SCAPER: variants seen among roughly 807,000 people sequenced by gnomAD.
SCAPER encodes the protein S phase cyclin A-associated protein in the endoplasmic reticulum.
A neutral mutation model predicts 182.2 loss-of-function variants in SCAPER; 98 were observed. The ratio of observed to expected loss-of-function variants is 0.54; its 90% CI spans 0.46 to 0.64. The LOEUF is 0.64. Among genes scored for constraint, SCAPER ranks in the 30% least tolerant of loss-of-function variants. The pLI is 0.00. For missense variants in SCAPER, 1,432 were observed against 1,690.0 expected (o/e 0.85, Z 2.68); for synonymous variants, 605 against 564.6 (o/e 1.07, Z -1.01).
chr15:76,730,175 A>G (rs530844850), intron 16 of SCAPER, among the ~76,000 whole-genome samples: 1 of 152,268 alleles, frequency 6.6e-6, no homozygotes, highest in African/African-American at 2.4e-5. Context: ...AGATTTGAAC[A>G]TTTCTAATAG....
intron 22 of SCAPER, among the ~76,000 whole-genome samples, chr15:76,617,692 G>C (rs1332363042): frequency 6.6e-6 from 1 of 152,262 alleles, no homozygotes; most frequent in East Asian, 1.9e-4. Context: ...GTGAGGGCGA[G>C]AACAGAAACC....
intron 17 of SCAPER, 68 bp from the exon 18 acceptor site, chr15:76,706,052 T>C: frequency 6.4e-6 from 8 of 1,254,668 alleles, no homozygotes; most frequent in Non-Finnish European, 8.8e-6. Flanking sequence ...GACTCAAAAA[T>C]ACAATTAGGA....
chr15:76,515,258 A>C (rs954613667), intron 23 of SCAPER, among the ~76,000 whole-genome samples: 45 of 152,330 alleles, frequency 3.0e-4, no homozygotes, highest in African/African-American at 1.0e-3. Flanking sequence ...ATTTGGACTA[A>C]GGAAGGAAAG....
intron 4 of SCAPER, among the ~76,000 whole-genome samples, chr15:76,848,661 T>A (rs2070394860): frequency 6.6e-6 from 1 of 152,188 alleles, no homozygotes; most frequent in Non-Finnish European, 1.5e-5. Flanking sequence ...CCTTCTGAGA[T>A]AATCGTTTAT....
chr15:76,688,253 G>A (rs2058143974), intron 20 of SCAPER, among the ~76,000 whole-genome samples: 1 of 152,182 alleles, frequency 6.6e-6, no homozygotes, highest in East Asian at 1.9e-4. Context: ...AGAAGTGTCT[G>A]TTCATATCCT....
intron 30 of SCAPER, among the ~76,000 whole-genome samples, chr15:76,352,384 C>T (rs1349936794): frequency 6.6e-6 from 1 of 151,940 alleles, no homozygotes; most frequent in Non-Finnish European, 1.5e-5. Flanking sequence ...CAGTGCCCAG[C>T]ACACCTTACA....
intron 22 of SCAPER, among the ~76,000 whole-genome samples, chr15:76,583,161 G>A (rs1210312954): frequency 2.0e-5 from 3 of 151,958 alleles, no homozygotes; most frequent in Admixed American, 6.6e-5. Flanking sequence ...GACCAGCCTG[G>A]CCAACATAGT....
At chr15:76,782,824 T>C (rs2064257964) in intron 8 of SCAPER, among the ~76,000 whole-genome samples, 2 of 152,102 alleles carry the variant, frequency 1.3e-5, no homozygotes, top group African/African-American at 4.8e-5. Context: ...AGATGTTCTT[T>C]GAAACCAAGC....
intron 18 of SCAPER, 30 bp from the exon 19 acceptor site, chr15:76,703,032 C>T (rs1227286171): frequency 1.3e-6 from 2 of 1,506,670 alleles, no homozygotes; most frequent in Non-Finnish European, 1.8e-6. Context: ...GCAAGAATTT[C>T]AAAAATTATT....
At chr15:76,659,700 G>T (rs1207943357) in intron 21 of SCAPER, among the ~76,000 whole-genome samples, 1 of 152,164 alleles carries the variant, frequency 6.6e-6, no homozygotes, top group African/African-American at 2.4e-5. Context: ...AGTCAGAATG[G>T]TTATTATTTA....
chr15:76,871,434 A>C (rs1432564430), intron 2 of SCAPER, among the ~76,000 whole-genome samples: 2 of 151,636 alleles, frequency 1.3e-5, no homozygotes, highest in Non-Finnish European at 2.9e-5. Context: ...AACCTAATAA[A>C]AAATGAAGAT....
chr15:76,801,081 T>G (rs994441090), intron 6 of SCAPER, among the ~76,000 whole-genome samples: 1 of 152,234 alleles, frequency 6.6e-6, no homozygotes, highest in Admixed American at 6.5e-5. Flanking sequence ...AGTATTTCAT[T>G]GTCTTTGTTT....
chr15:76,819,524 T>C (rs1201918746), intron 5 of SCAPER, among the ~76,000 whole-genome samples: 1 of 152,066 alleles, frequency 6.6e-6, no homozygotes, highest in Non-Finnish European at 1.5e-5. Flanking sequence ...CAGCTGAGGG[T>C]CCTGAATGTT....
At chr15:76,794,788 T>C (rs1312458610) in intron 8 of SCAPER, among the ~76,000 whole-genome samples, 3 of 152,194 alleles carry the variant, frequency 2.0e-5, no homozygotes, top group Non-Finnish European at 2.9e-5. Context: ...ATAAAATTGT[T>C]CTAGGTGGGC....
At chr15:76,687,414 G>A (rs769181066) in intron 20 of SCAPER, among the ~76,000 whole-genome samples, 16 of 152,102 alleles carry the variant, frequency 1.1e-4, no homozygotes, top group Non-Finnish European at 1.9e-4. Context: ...AAAAATCAAA[G>A]AATAGTCCTC....
intron 23 of SCAPER, among the ~76,000 whole-genome samples, chr15:76,511,787 A>G (rs1003758828): frequency 4.0e-5 from 6 of 151,022 alleles, no homozygotes; most frequent in African/African-American, 1.5e-4. Flanking sequence ...ATTGCTCACA[A>G]TGTTTGCTGA....
At chr15:76,535,448 G>C (rs762186280) in intron 23 of SCAPER, among the ~76,000 whole-genome samples, 3 of 148,920 alleles carry the variant, frequency 2.0e-5, no homozygotes, top group Non-Finnish European at 4.4e-5. Flanking sequence ...TGTGAACCCA[G>C]GAGGCGGAGG....
intron 23 of SCAPER, among the ~76,000 whole-genome samples, chr15:76,528,698 C>T (rs2043394149): frequency 6.6e-6 from 1 of 152,220 alleles, no homozygotes; most frequent in South Asian, 2.1e-4. Context: ...GGTTTGCCTT[C>T]CTCCAATCTA....
chr15:76,837,186 A>C (rs1368581076), intron 5 of SCAPER, among the ~76,000 whole-genome samples: 1 of 152,216 alleles, frequency 6.6e-6, no homozygotes, highest in Non-Finnish European at 1.5e-5. Context: ...AATTTAAATC[A>C]ACAAGCAAAA....
Sources: gnomAD v4.1 joint callset for allele counts (sites outside exome capture counted in the v4.1 genomes callset) on GRCh38, gnomAD v4.1.1 for gene constraint, MANE v1.5 for transcripts, NCBI Gene and HGNC (gene_info 2026-07-23, HGNC 2026-07-21) for gene names.